The following PIAS1 variants were observed in gnomAD, a reference collection of about 807,000 sequenced individuals.
The protein encoded by PIAS1 is E3 SUMO-protein ligase PIAS1.
A neutral mutation model predicts 71.3 loss-of-function variants in PIAS1; 6 were observed. The observed-to-expected ratio is 0.08, with a 90% CI of 0.05 to 0.17. The LOEUF is 0.17. Ranked by LOEUF, PIAS1 falls within the 10% of genes least tolerant of loss-of-function variation. The probability of loss-of-function intolerance (pLI) is 1.00; values close to 1 mark genes in which losing one functional copy is unlikely to be tolerated. For synonymous variants in PIAS1, 303 were observed against 292.9 expected (o/e 1.03, Z -0.35); for missense variants, 555 against 793.6 (o/e 0.70, Z 3.61).
rs976299413 is a variant in PIAS1, at chr15:68,187,268, G to T, written c.1663-274G>T. 6.6e-6 allele frequency among the ~76,000 whole-genome samples: 1 copy of T among 152,118 alleles called. No individual in the cohort carries two copies. On this transcript the variant is annotated intron_variant, in intron 13 of 13. Coordinates refer to ENST00000249636, the MANE Select transcript of PIAS1 (RefSeq NM_016166.3). The surrounding 1 kb of genome is among the most constrained non-coding windows in gnomAD (Gnocchi z 5.3). ...CTGAGCATATGCTTCTTGGGAAATA[G>T]AATTGGTAATTGCTTGCAATACAAA...
rs73423802 is a variant in PIAS1 at position 68,174,231 on chromosome 15, C to G, written c.1169+339C>G. Among the ~76,000 whole-genome samples, 3,096 of 152,224 alleles carry G rather than the reference C, an allele frequency of 0.02. 94 individuals are homozygous for G. The highest frequency in any genetic ancestry group is 0.068 in the African/African-American group (2,836 of 41,508). On this transcript the variant is annotated intron_variant, in intron 9 of 13. Transcript: ENST00000249636. The surrounding 1 kb of genome is among the most constrained non-coding windows in gnomAD (Gnocchi z 4.0). ...CCTAGATATGCAGACCATATTGGAA[C>G]AAGAATGTATGGGGAAATTTGGGTT...
Position 68,186,360 on chromosome 15 carries a change from A to T in PIAS1, c.1663-1182A>T, listed in dbSNP as rs941236141. Among the ~76,000 whole-genome samples, 3 of 152,232 alleles carry T rather than the reference A, an allele frequency of 2.0e-5. No individual in the cohort carries two copies. The highest frequency in any genetic ancestry group is 4.4e-5 in the Non-Finnish European group (3 of 68,048). On this transcript the variant is annotated intron_variant, in intron 13 of 13. Transcript: ENST00000249636. This position sits in a 1 kb window ranked among gnomAD's most constrained non-coding sequence, Gnocchi z 4.4. ...AAGTAAAAAATATTTTAAAATGTTA[A>T]AAATAGAGACTTACAGAATAAGGAT...
intron 1 of PIAS1, among the ~76,000 whole-genome samples, chr15:68,080,808 T>C (rs901421351): frequency 2.6e-5 from 4 of 152,260 alleles, no homozygotes; most frequent in African/African-American, 7.2e-5. Flanking sequence ...TGTCTGTCTT[T>C]GGAATTCATT....
At chr15:68,059,678 C>T (rs929791989) in intron 1 of PIAS1, among the ~76,000 whole-genome samples, 6 of 148,876 alleles carry the variant, frequency 4.0e-5, no homozygotes, top group African/African-American at 1.5e-4. Context: ...CGGACTCCAG[C>T]CTGGGCTACA....
In PIAS1 at chr15:68,189,150, A is replaced by G. The variant is rs556712817; in HGVS notation, c.*1315A>G. 5 of 152,292 alleles carry G rather than the reference A, an allele frequency of 3.3e-5. No homozygotes were observed. Among genetic ancestry groups the G allele is most frequent in the African/African-American group, 1.2e-4 (5 of 41,562 alleles). The allele number at this position is 152,292 out of a possible 1,614,324, so 9.4% of individuals were successfully genotyped here. ...TTTTTAGAATTCATGGATCAGTCTG[A>G]TCTACTCTTATTCATAATGGAACAT... On this transcript the variant is annotated 3_prime_UTR_variant, in exon 14 of 14. Coordinates refer to ENST00000249636, the MANE Select transcript of PIAS1 (RefSeq NM_016166.3).
In PIAS1 at chr15:68,178,988, T is replaced by G. The variant is rs2093036617; in HGVS notation, c.1482-2224T>G. ...ACTAATTGAACCCAGCTATAGTATT[T>G]GCAAATGCCAGACATTTCTCTCTCT... On this transcript the variant is annotated intron_variant, in intron 11 of 13. Coordinates refer to ENST00000249636, the MANE Select transcript of PIAS1 (RefSeq NM_016166.3). This position sits in a 1 kb window ranked among gnomAD's most constrained non-coding sequence, Gnocchi z 4.2. Among the ~76,000 whole-genome samples, 1 of 152,334 alleles carries G rather than the reference T, an allele frequency of 6.6e-6. No homozygotes were observed. Among genetic ancestry groups the G allele is most frequent in the South Asian group, 2.1e-4 (1 of 4,826 alleles).
chr15:68,117,153 T>TA (rs1425851180), intron 2 of PIAS1, among the ~76,000 whole-genome samples: 1 of 152,196 alleles, frequency 6.6e-6, no homozygotes, highest in East Asian at 1.9e-4. Context: ...AGTGGCATGA[T>TA]ACTGTTTCAC....
chr15:68,143,955 T>G (rs2141050055), intron 4 of PIAS1, among the ~76,000 whole-genome samples: 1 of 152,266 alleles, frequency 6.6e-6, no homozygotes, highest in East Asian at 1.9e-4. Context: ...ATAAAAGATC[T>G]AGTTACTAAG....
At chr15:68,131,188 A>C (rs1040296704) in intron 2 of PIAS1, among the ~76,000 whole-genome samples, 1 of 152,180 alleles carries the variant, frequency 6.6e-6, no homozygotes, top group African/African-American at 2.4e-5. Flanking sequence ...TTTTTTAAAA[A>C]GAAGTAGAAA....
intron 6 of PIAS1, among the ~76,000 whole-genome samples, chr15:68,151,249 C>T (rs903982792): frequency 6.6e-6 from 1 of 151,958 alleles, no homozygotes; most frequent in Non-Finnish European, 1.5e-5. Flanking sequence ...GTACAAGTGG[C>T]ATTTGTTAGT....
At chr15:68,057,520 G>T in intron 1 of PIAS1, 1 of 436,858 alleles carries the variant, frequency 2.3e-6, no homozygotes. Flanking sequence ...GCATTTTAGT[G>T]GAGTAAATAA....
At chr15:68,073,231 A>G (rs2092120650) in intron 1 of PIAS1, among the ~76,000 whole-genome samples, 2 of 151,998 alleles carry the variant, frequency 1.3e-5, no homozygotes, top group African/African-American at 4.8e-5. Flanking sequence ...ATTAGCCAGG[A>G]TGGTCTCGAT....
intron 2 of PIAS1, among the ~76,000 whole-genome samples, chr15:68,099,206 C>T (rs896074042): frequency 3.4e-5 from 5 of 149,160 alleles, no homozygotes; most frequent in South Asian, 2.1e-4. Context: ...TATTTATGAG[C>T]GGAGTTTTAC....
At position 68,187,692 on chromosome 15, in the gene PIAS1, A is replaced by T. The variant is rs764601417; in HGVS notation, c.1813A>T (p.Asn605Tyr). 1 of 1,614,042 alleles carries T rather than the reference A, an allele frequency of 6.2e-7. No individual in the cohort carries two copies. The highest frequency in any genetic ancestry group is 8.5e-7 in the Non-Finnish European group (1 of 1,179,904). ...AGGSTSLPTTNGSSSGSNSSL... is the reference protein window; with the variant it reads ...AGGSTSLPTTYGSSSGSNSSL... ...AGGCAGTACTTCTCTGCCAACCACC[A>T]ATGGAAGCAGTAGTGGCAGTAACAG... Residue 605 changes from asparagine (N) to tyrosine (Y), a missense_variant, in exon 14 of 14, where the codon AAT becomes TAT. Coordinates refer to ENST00000249636, the MANE Select transcript of PIAS1 (RefSeq NM_016166.3). The surrounding 1 kb of genome is among the most constrained non-coding windows in gnomAD (Gnocchi z 5.3).
chr15:68,110,595 T>C (rs933909957), intron 2 of PIAS1, among the ~76,000 whole-genome samples: 4 of 151,250 alleles, frequency 2.6e-5, no homozygotes, highest in Admixed American at 1.3e-4. Flanking sequence ...AAACTTCTTC[T>C]CCAAAAAGAA....
chr15:68,108,551 T>G (rs887520524), intron 2 of PIAS1, among the ~76,000 whole-genome samples: 9 of 152,190 alleles, frequency 5.9e-5, no homozygotes, highest in Admixed American at 5.9e-4. Flanking sequence ...CTGAGGACCC[T>G]AAATTTATAT....
intron 8 of PIAS1, among the ~76,000 whole-genome samples, chr15:68,172,770 C>A (rs952279523): frequency 2.6e-5 from 4 of 152,228 alleles, no homozygotes; most frequent in Non-Finnish European, 5.9e-5. Context: ...CGTGGCTTTT[C>A]TGCCTTGGGC....
At chr15:68,152,846 C>T (rs2092857207) in intron 6 of PIAS1, among the ~76,000 whole-genome samples, 1 of 151,570 alleles carries the variant, frequency 6.6e-6, no homozygotes, top group South Asian at 2.1e-4. Flanking sequence ...ACCATGTACC[C>T]TTCACTTAGT....
intron 2 of PIAS1, among the ~76,000 whole-genome samples, chr15:68,120,061 G>A (rs568523601): frequency 3.9e-5 from 6 of 152,324 alleles, no homozygotes; most frequent in African/African-American, 1.2e-4. Context: ...TTCTGCCTCA[G>A]TGTCCTGAGT....
Sources: allele counts gnomAD v4.1 joint callset (sites outside exome capture counted in the v4.1 genomes callset), GRCh38; gene constraint gnomAD v4.1.1; non-coding constraint Gnocchi (gnomAD v3.1); transcripts MANE v1.5; gene names NCBI Gene and HGNC (gene_info 2026-07-23, HGNC 2026-07-21).